The following SLC9A9 variants were observed in gnomAD, a reference collection of about 807,000 sequenced individuals.
SLC9A9 encodes sodium/hydrogen exchanger 9.
In SLC9A9, 62 loss-of-function variants were observed where a neutral mutation model predicts 77.8. The ratio of observed to expected loss-of-function variants is 0.80; its 90% CI spans 0.65 to 0.98. SLC9A9 has a LOEUF of 0.98. Among genes scored for constraint, SLC9A9 ranks in the 50% least tolerant of loss-of-function variants. SLC9A9 has a pLI of 0.00. For missense variants in SLC9A9, 775 were observed against 774.9 expected (o/e 1.00, Z 0.00); for synonymous variants, 320 against 283.5 (o/e 1.13, Z -1.29).
chr3:143,576,865 T>G (rs1021846843), intron 7 of SLC9A9, among the ~76,000 whole-genome samples: 2 of 152,206 alleles, frequency 1.3e-5, no homozygotes, highest in Non-Finnish European at 2.9e-5. Context: ...CTACCTCTTC[T>G]GACTGACTTT....
At chr3:143,781,627 G>A (rs748590851) in intron 4 of SLC9A9, among the ~76,000 whole-genome samples, 6 of 152,230 alleles carry the variant, frequency 3.9e-5, no homozygotes, top group East Asian at 1.9e-4. Context: ...TTGAAATCAC[G>A]CTTACATTTT....
intron 7 of SLC9A9, among the ~76,000 whole-genome samples, chr3:143,574,916 G>T (rs1367992636): frequency 2.6e-5 from 4 of 152,176 alleles, no homozygotes. Context: ...AAAGGGTTAG[G>T]TTGCAATTGT....
chr3:143,550,645 C>T (rs202196244), intron 9 of SLC9A9, among the ~76,000 whole-genome samples: 2 of 152,246 alleles, frequency 1.3e-5, no homozygotes, highest in South Asian at 2.1e-4. Context: ...AATCAACAGA[C>T]GTATACATAA....
At chr3:143,290,127 A>C (rs537039105) in intron 14 of SLC9A9, among the ~76,000 whole-genome samples, 39 of 152,214 alleles carry the variant, frequency 2.6e-4, no homozygotes, top group African/African-American at 9.4e-4. Context: ...CCTGCACCCA[A>C]TATAACTCAG....
At chr3:143,813,467 T>G (rs1167446367) in intron 2 of SLC9A9, among the ~76,000 whole-genome samples, 1 of 152,132 alleles carries the variant, frequency 6.6e-6, no homozygotes, top group Admixed American at 6.5e-5. Context: ...AGGAATTAAG[T>G]GTGTACCTCT....
At chr3:143,504,579 T>C (rs905371210) in intron 9 of SLC9A9, among the ~76,000 whole-genome samples, 1 of 152,172 alleles carries the variant, frequency 6.6e-6, no homozygotes, top group African/African-American at 2.4e-5. Context: ...TAAAGTGCAA[T>C]CTTTGGAGAT....
chr3:143,317,190 C>T (rs915781726), intron 14 of SLC9A9, among the ~76,000 whole-genome samples: 10 of 152,160 alleles, frequency 6.6e-5, no homozygotes, highest in Admixed American at 5.2e-4. Flanking sequence ...AATTATCTGG[C>T]TGAAAAGGAG....
chr3:143,498,396 A>C (rs1378853717), intron 9 of SLC9A9, among the ~76,000 whole-genome samples: 1 of 152,132 alleles, frequency 6.6e-6, no homozygotes, highest in Non-Finnish European at 1.5e-5. Flanking sequence ...TCTACTAAAA[A>C]TACAAAAATT....
At chr3:143,541,754 C>G (rs1372725981) in intron 9 of SLC9A9, among the ~76,000 whole-genome samples, 2 of 152,104 alleles carry the variant, frequency 1.3e-5, no homozygotes, top group African/African-American at 4.8e-5. Context: ...TTATAGTTTC[C>G]CTTAGCTCTG....
At chr3:143,492,173 T>G (rs2035758662) in intron 11 of SLC9A9, among the ~76,000 whole-genome samples, 1 of 151,432 alleles carries the variant, frequency 6.6e-6, no homozygotes. Flanking sequence ...GCGCCTGTAG[T>G]CCCAGCTACT....
intron 4 of SLC9A9, among the ~76,000 whole-genome samples, chr3:143,790,999 G>T (rs1214831971): frequency 6.6e-6 from 1 of 152,228 alleles, no homozygotes. Context: ...CTTCAGCTAG[G>T]TTGTCATTGT....
intron 6 of SLC9A9, among the ~76,000 whole-genome samples, chr3:143,613,911 C>T (rs958566195): frequency 6.6e-6 from 1 of 152,094 alleles, no homozygotes; most frequent in African/African-American, 2.4e-5. Context: ...AAAAATAGCT[C>T]TATTATTCTT....
intron 2 of SLC9A9, among the ~76,000 whole-genome samples, chr3:143,816,699 A>G (rs2009027083): frequency 6.6e-6 from 1 of 152,190 alleles, no homozygotes; most frequent in Admixed American, 6.5e-5. Context: ...CTGCTGGGGT[A>G]TGAGGTATAT....
intron 14 of SLC9A9, among the ~76,000 whole-genome samples, chr3:143,282,367 T>C (rs1938246929): frequency 6.6e-6 from 1 of 152,260 alleles, no homozygotes; most frequent in Non-Finnish European, 1.5e-5. Context: ...TACAGACTTT[T>C]ATCTTTGCAT....
At position 143,595,235 on chromosome 3, in the gene SLC9A9, C is replaced by A. The variant is rs115421412; in HGVS notation, c.756-16512G>T. Reference sequence around the variant, plus strand: ...TCTTTGCTGAGCTGTTGGGGAGATCCTCCCACAAAATCATATTTCTTTTGG... The same window carrying A: ...TCTTTGCTGAGCTGTTGGGGAGATCATCCCACAAAATCATATTTCTTTTGG... On this transcript the variant is annotated intron_variant, in intron 6 of 15. Transcript: ENST00000316549. Among the ~76,000 whole-genome samples, 1,040 of 152,260 alleles carry A rather than the reference C, an allele frequency of 6.8e-3. 13 individuals are homozygous for A. The highest frequency in any genetic ancestry group is 0.023 in the African/African-American group (943 of 41,542).
chr3:143,541,263 T>A (rs1196674279), intron 9 of SLC9A9, among the ~76,000 whole-genome samples: 1 of 152,154 alleles, frequency 6.6e-6, no homozygotes, highest in African/African-American at 2.4e-5. Flanking sequence ...CAAAGTAAGC[T>A]TTCACATCAC....
At chr3:143,360,030 C>A (rs539720797) in intron 14 of SLC9A9, among the ~76,000 whole-genome samples, 2 of 152,258 alleles carry the variant, frequency 1.3e-5, no homozygotes, top group East Asian at 3.9e-4. Flanking sequence ...CATACTGAGA[C>A]ATGAGGATTT....
rs146390603 is a variant in SLC9A9, at chr3:143,791,144, T to C, written c.533+3857A>G. Among the ~76,000 whole-genome samples, 920 of 152,320 alleles carry C rather than the reference T, an allele frequency of 6.0e-3. 11 individuals are homozygous for C. The highest frequency in any genetic ancestry group is 0.02 in the African/African-American group (829 of 41,570). ...TTCTTAGAAGGAGATGGATTTAAAA[T>C]ACTACTTCTCAAGTGATAAAATGGG... On this transcript the variant is annotated intron_variant, in intron 4 of 15. Transcript: ENST00000316549.
intron 12 of SLC9A9, among the ~76,000 whole-genome samples, chr3:143,386,266 G>A (rs904629630): frequency 3.2e-4 from 48 of 152,162 alleles, no homozygotes; most frequent in African/African-American, 1.1e-3. Context: ...TTGCTCACCT[G>A]TCTGTTTATA....
Sources: allele counts gnomAD v4.1 joint callset (sites outside exome capture counted in the v4.1 genomes callset), GRCh38; gene constraint gnomAD v4.1.1; transcripts MANE v1.5; gene names NCBI Gene and HGNC (gene_info 2026-07-23, HGNC 2026-07-21).